The following SPOCK1 variants were observed in gnomAD, a reference collection of about 807,000 sequenced individuals.
SPOCK1 encodes testican-1.
In SPOCK1, 23 loss-of-function variants were observed where a neutral mutation model predicts 55.3. The observed-to-expected ratio is 0.42, with a 90% CI of 0.30 to 0.59. The LOEUF is 0.59. SPOCK1 is among the 20% of genes least tolerant of loss of function. The pLI is 0.22. For missense variants in SPOCK1, 499 were observed against 552.5 expected (o/e 0.90, Z 0.97); for synonymous variants, 226 against 221.0 (o/e 1.02, Z -0.20).
chr5:137,489,996 CATAA>C lies in SPOCK1; in HGVS notation c.186+8373_186+8376del, dbSNP rs747342936. Among the ~76,000 whole-genome samples, 42 of 152,208 alleles carry C rather than the reference CATAA, an allele frequency of 2.8e-4. 1 individual carries two copies. Among genetic ancestry groups the C allele is most frequent in the Non-Finnish European group, 4.6e-4 (31 of 68,040 alleles). ...CCTTGTAGTACTTTTCTCAAAGGAA[CATAA>C]ATGATTATTCCGTGATTGTTTGTCT... On this transcript the variant is annotated intron_variant, in intron 2 of 10. Coordinates refer to ENST00000394945, the MANE Select transcript of SPOCK1 (RefSeq NM_004598.4).
intron 3 of SPOCK1, among the ~76,000 whole-genome samples, chr5:137,224,745 A>G (rs1755915683): frequency 6.6e-6 from 1 of 152,184 alleles, no homozygotes; most frequent in Non-Finnish European, 1.5e-5. Context: ...GTTTAATAAC[A>G]AGAAGAAACT....
At chr5:137,437,733 G>A (rs1039557576) in intron 2 of SPOCK1, among the ~76,000 whole-genome samples, 2 of 152,178 alleles carry the variant, frequency 1.3e-5, no homozygotes, top group African/African-American at 4.8e-5. Flanking sequence ...ATTTACATAT[G>A]CTAGAAACAT....
Position 137,140,608 on chromosome 5 carries a change from A to G in SPOCK1, c.319T>C (p.Cys107Arg). Residue 107 changes from cysteine to arginine, a missense_variant, in exon 4 of 11, where the codon TGT (cysteine) becomes CGT (arginine). Physicochemically the swap from Cys to Arg is radical, Grantham distance 180. Coordinates refer to ENST00000394945, the MANE Select transcript of SPOCK1 (RefSeq NM_004598.4). ...CVTQDYQTALCVSRKHLLPRQ... is the reference protein window; with the variant it reads ...CVTQDYQTALRVSRKHLLPRQ... ...GGGAGCAGGTGCTTGCGGCTGACACACAGGGCGGTCTGGTAGTCCTGGGTC... is the reference window on the plus strand; with the variant it reads ...GGGAGCAGGTGCTTGCGGCTGACACGCAGGGCGGTCTGGTAGTCCTGGGTC... 1 of 1,613,750 alleles carries G rather than the reference A, an allele frequency of 6.2e-7. No homozygotes were observed. Among genetic ancestry groups the G allele is most frequent in the Non-Finnish European group, 8.5e-7 (1 of 1,179,916 alleles).
intron 2 of SPOCK1, among the ~76,000 whole-genome samples, chr5:137,400,771 A>G (rs1352447453): frequency 6.6e-6 from 1 of 152,188 alleles, no homozygotes; most frequent in Non-Finnish European, 1.5e-5. Flanking sequence ...CAAGGAGCTC[A>G]ATGCTGCATG....
At position 136,978,753 on chromosome 5, in the gene SPOCK1, C is replaced by T. The variant is rs754964110; in HGVS notation, c.1221G>A (p.Lys407=). 1.8e-4 allele frequency: 296 copies of T among 1,613,998 alleles called. 1 individual carries two copies. The highest frequency in any genetic ancestry group is 1.2e-4 in the Non-Finnish European group (141 of 1,180,022). Residue 407 remains lysine, a synonymous_variant, in exon 11 of 11, where the codon AAG becomes AAA. Transcript: ENST00000394945. The part of the protein sequence containing the change: ...DLEYERELGP[K]DKEGKLRVHT... ...GCACCCTCAGCTTCCCCTCTTTGTC[C>T]TTTGGTCCCAGCTCCCGTTCATATT...
intron 6 of SPOCK1, among the ~76,000 whole-genome samples, chr5:137,049,031 C>T (rs1261535701): frequency 7.2e-6 from 1 of 139,834 alleles, no homozygotes; most frequent in African/African-American, 2.7e-5. Flanking sequence ...GATGGGCTTT[C>T]CTTTGAGGGT....
At chr5:137,076,869 G>T (rs1259021429) in intron 5 of SPOCK1, among the ~76,000 whole-genome samples, 1 of 152,152 alleles carries the variant, frequency 6.6e-6, no homozygotes, top group Non-Finnish European at 1.5e-5. Context: ...TGAAGAAACT[G>T]AAACTAGAGA....
chr5:137,155,796 T>C (rs528413457), intron 3 of SPOCK1, among the ~76,000 whole-genome samples: 12 of 152,306 alleles, frequency 7.9e-5, no homozygotes, highest in South Asian at 4.1e-4. Flanking sequence ...AAAGGCTCTG[T>C]CTGGTCTCTT....
At chr5:137,378,196 G>T (rs545357128) in intron 2 of SPOCK1, among the ~76,000 whole-genome samples, 5 of 152,182 alleles carry the variant, frequency 3.3e-5, no homozygotes, top group South Asian at 2.1e-4. Flanking sequence ...CGCCTGCCTT[G>T]GCCTCCCAAA....
At chr5:137,387,125 A>G (rs952082864) in intron 2 of SPOCK1, among the ~76,000 whole-genome samples, 1 of 152,256 alleles carries the variant, frequency 6.6e-6, no homozygotes, top group Non-Finnish European at 1.5e-5. Flanking sequence ...ATACACACCT[A>G]TTAGAATGGC....
intron 2 of SPOCK1, among the ~76,000 whole-genome samples, chr5:137,410,663 C>A (rs1322450634): frequency 2.6e-5 from 4 of 152,226 alleles, no homozygotes; most frequent in Admixed American, 2.6e-4. Context: ...GCTCTCTTTG[C>A]CTATGGCATA....
At chr5:137,471,959 C>A (rs912818594) in intron 2 of SPOCK1, among the ~76,000 whole-genome samples, 1 of 152,106 alleles carries the variant, frequency 6.6e-6, no homozygotes, top group South Asian at 2.1e-4. Context: ...AGGTAGACTG[C>A]GCAGGAGAGG....
chr5:137,238,550 G>A (rs1199247976), intron 3 of SPOCK1, among the ~76,000 whole-genome samples: 1 of 152,076 alleles, frequency 6.6e-6, no homozygotes, highest in Non-Finnish European at 1.5e-5. Context: ...AGAATAGTAT[G>A]TCATGACCAA....
intron 2 of SPOCK1, among the ~76,000 whole-genome samples, chr5:137,307,884 A>G (rs1447745790): frequency 6.6e-6 from 1 of 152,214 alleles, no homozygotes; most frequent in East Asian, 1.9e-4. Flanking sequence ...GTGCTGACTC[A>G]GTGAGCACTT....
At chr5:137,031,259 T>C (rs1338765860) in intron 6 of SPOCK1, among the ~76,000 whole-genome samples, 2 of 152,206 alleles carry the variant, frequency 1.3e-5, no homozygotes, top group Non-Finnish European at 2.9e-5. Context: ...AGGTCCCTCA[T>C]TTCATTTCAA....
intron 2 of SPOCK1, among the ~76,000 whole-genome samples, chr5:137,433,376 C>T (rs1752790176): frequency 6.6e-6 from 1 of 152,168 alleles, no homozygotes; most frequent in South Asian, 2.1e-4. Context: ...GTCTTTATTT[C>T]ATGGAGGAGG....
chr5:137,096,845 T>C (rs895045952), intron 5 of SPOCK1, among the ~76,000 whole-genome samples: 4 of 152,180 alleles, frequency 2.6e-5, no homozygotes, highest in African/African-American at 7.2e-5. Context: ...AGTTCTGTCA[T>C]AGTGGCTTTT....
intron 5 of SPOCK1, among the ~76,000 whole-genome samples, chr5:137,091,083 G>A (rs13188670): frequency 0.14 from 20,812 of 152,134 alleles, 1,656 homozygotes; most frequent in Admixed American, 0.19. Context: ...ATGAAGACAC[G>A]AGCATAGGAG....
At chr5:137,416,686 CCAAA>C (rs1163351871) in intron 2 of SPOCK1, among the ~76,000 whole-genome samples, 2 of 152,030 alleles carry the variant, frequency 1.3e-5, no homozygotes, top group Non-Finnish European at 2.9e-5. Flanking sequence ...TAAGAAACTG[CCAAA>C]CACTTTTCCA....
Sources: allele counts gnomAD v4.1 joint callset (sites outside exome capture counted in the v4.1 genomes callset), GRCh38; gene constraint gnomAD v4.1.1; transcripts MANE v1.5; gene names NCBI Gene and HGNC (gene_info 2026-07-23, HGNC 2026-07-21).